COL4A6: variants seen among roughly 807,000 people sequenced by gnomAD.
COL4A6 encodes the protein collagen alpha-6(IV) chain.
COL4A6 carries 59 observed loss-of-function variants against 126.7 expected under a neutral mutation model. The observed-to-expected ratio is 0.47, with a 90% CI of 0.38 to 0.58. The LOEUF (loss-of-function observed/expected upper bound fraction) is 0.58, where lower values mean the gene tolerates loss of function less well. Among genes scored for constraint, COL4A6 ranks in the 20% least tolerant of loss-of-function variants. The pLI is 0.00. For synonymous variants in COL4A6, 547 were observed against 496.6 expected (o/e 1.10, Z -1.35); for missense variants, 1,285 against 1,337.3 (o/e 0.96, Z 0.61).
chrX:108,436,876 A>G (rs1423238397), intron 2 of COL4A6, among the ~76,000 whole-genome samples: 2 of 111,856 alleles, frequency 1.8e-5, no homozygotes, highest in Non-Finnish European at 3.8e-5. Flanking sequence ...GTGATTTATT[A>G]GGTTGAATTA....
chrX:108,171,539 ATT>A, intron 32 of COL4A6, 78 bp from the exon 33 acceptor site: 4 of 810,625 alleles, frequency 4.9e-6, no homozygotes, highest in Non-Finnish European at 7.0e-6. Context: ...TTTTGAACAC[ATT>A]TTTTTTTTCA....
intron 3 of COL4A6, among the ~76,000 whole-genome samples, chrX:108,302,520 TTACTA>T (rs1232396748): frequency 8.9e-6 from 1 of 111,841 alleles, no homozygotes; most frequent in African/African-American, 3.3e-5. Flanking sequence ...TGTGCTTACA[TTACTA>T]GTATTATCTC....
intron 2 of COL4A6, among the ~76,000 whole-genome samples, chrX:108,348,247 CAT>C (rs1338935695): frequency 8.9e-6 from 1 of 111,943 alleles, no homozygotes; most frequent in Admixed American, 9.5e-5. Context: ...ATATAGCTAA[CAT>C]ATCATTTCCG....
chrX:108,338,644 C>T (rs1374387541), intron 2 of COL4A6, among the ~76,000 whole-genome samples: 1 of 111,595 alleles, frequency 9.0e-6, no homozygotes, highest in African/African-American at 3.3e-5. Flanking sequence ...TTGTTCGCCC[C>T]TTTGGGTGAG....
chrX:108,198,955 G>T (rs190165680), intron 13 of COL4A6, among the ~76,000 whole-genome samples: 123 of 111,267 alleles, frequency 1.1e-3, no homozygotes, highest in African/African-American at 3.7e-3. Context: ...AGGGCACATG[G>T]ATATACAATT....
chrX:108,364,859 C>T (rs191217250), intron 2 of COL4A6, among the ~76,000 whole-genome samples: 254 of 111,312 alleles, frequency 2.3e-3, no homozygotes, highest in African/African-American at 8.1e-3. Context: ...TGCTAATGGA[C>T]GCTTAGGTTG....
At chrX:108,388,311 C>T (rs2040748723) in intron 2 of COL4A6, among the ~76,000 whole-genome samples, 1 of 111,780 alleles carries the variant, frequency 8.9e-6, no homozygotes, top group Admixed American at 9.5e-5. Flanking sequence ...CTCTTTGTAC[C>T]TCTGGTAGAA....
chrX:108,417,293 C>T (rs2041453466), intron 2 of COL4A6, among the ~76,000 whole-genome samples: 2 of 111,681 alleles, frequency 1.8e-5, no homozygotes, highest in South Asian at 3.8e-4. Context: ...CACCCTACTG[C>T]GTTTGGGTGG....
Position 108,419,376 on chromosome X carries a change from A to G in COL4A6, c.63+18566T>C, listed in dbSNP as rs181823707. Among the ~76,000 whole-genome samples, 22 of 111,957 alleles carry G rather than the reference A, an allele frequency of 2.0e-4. No homozygotes were observed. The East Asian group carries it at 5.3e-3, about 27-fold the overall frequency. ...ATTATTGATCCATTCAGGGCCAGTT[A>G]CTTGTTTGCTTCAGGCAAGAATACA... On this transcript the variant is annotated intron_variant, in intron 2 of 44. Transcript: ENST00000334504.
intron 3 of COL4A6, among the ~76,000 whole-genome samples, chrX:108,260,941 C>T (rs1374614954): frequency 9.0e-6 from 1 of 110,679 alleles, no homozygotes; most frequent in East Asian, 2.9e-4. Flanking sequence ...AGGAGTTGTG[C>T]ATTTTGAAAA....
At chrX:108,435,321 A>G (rs1376273861) in intron 2 of COL4A6, among the ~76,000 whole-genome samples, 1 of 111,947 alleles carries the variant, frequency 8.9e-6, no homozygotes, top group African/African-American at 3.2e-5. Flanking sequence ...TTTCCTAGAT[A>G]TATTGGCTGA....
At chrX:108,309,999 T>C (rs1210713435) in intron 3 of COL4A6, among the ~76,000 whole-genome samples, 2 of 111,351 alleles carry the variant, frequency 1.8e-5, no homozygotes, top group Non-Finnish European at 3.8e-5. Context: ...CTTGTGTATG[T>C]GTCTAATTTT....
At chrX:108,252,756 C>A (rs950609106) in intron 3 of COL4A6, among the ~76,000 whole-genome samples, 1 of 111,507 alleles carries the variant, frequency 9.0e-6, no homozygotes, top group African/African-American at 3.3e-5. Context: ...AAATCCTCAG[C>A]AAAATACTAG....
intron 2 of COL4A6, among the ~76,000 whole-genome samples, chrX:108,401,212 G>A (rs886772228): frequency 4.5e-5 from 5 of 110,864 alleles, no homozygotes; most frequent in African/African-American, 1.6e-4. Flanking sequence ...TTAAAAATGT[G>A]CACATCCTTT....
At chrX:108,331,680 G>A (rs952246304) in intron 2 of COL4A6, among the ~76,000 whole-genome samples, 1 of 111,488 alleles carries the variant, frequency 9.0e-6, no homozygotes, top group Admixed American at 9.5e-5. Context: ...GGCTGGCAGG[G>A]TAGAGACCCA....
chrX:108,236,925 T>C, intron 3 of COL4A6, among the ~76,000 whole-genome samples: 1 of 111,951 alleles, frequency 8.9e-6, no homozygotes, highest in Non-Finnish European at 1.9e-5. Context: ...CAGTCCTTTG[T>C]CCCTTCATCA....
intron 2 of COL4A6, among the ~76,000 whole-genome samples, chrX:108,352,022 C>T (rs948369582): frequency 6.2e-5 from 7 of 112,354 alleles, no homozygotes; most frequent in South Asian, 3.7e-4. Flanking sequence ...TCTTTTTCCC[C>T]GATCAATGTG....
At chrX:108,175,356 A>G (rs1312085318) in intron 29 of COL4A6, 141 bp from the exon 30 acceptor site, 25 of 751,796 alleles carry the variant, frequency 3.3e-5, no homozygotes, top group Admixed American at 7.8e-5. Context: ...CTATTCCCCC[A>G]ACTTCACATT....
At chrX:108,390,334 G>A (rs954984436) in intron 2 of COL4A6, among the ~76,000 whole-genome samples, 13 of 110,600 alleles carry the variant, frequency 1.2e-4, no homozygotes, top group African/African-American at 4.3e-4. Context: ...TTTCCAACTT[G>A]GTTTCATTCT....
Sources: allele counts gnomAD v4.1 joint callset (sites outside exome capture counted in the v4.1 genomes callset), GRCh38; gene constraint gnomAD v4.1.1; transcripts MANE v1.5; gene names NCBI Gene and HGNC (gene_info 2026-07-23, HGNC 2026-07-21).